TBC1D1: variants seen among roughly 807,000 people sequenced by gnomAD.
The protein encoded by TBC1D1 is TBC1 (tre-2/USP6, BUB2, cdc16) domain family, member 1.
In TBC1D1, 89 loss-of-function variants were observed where a neutral mutation model predicts 125.6. The observed-to-expected ratio is 0.71, with a 90% CI of 0.60 to 0.85. TBC1D1 has a LOEUF of 0.85. Among genes scored for constraint, TBC1D1 ranks in the 40% least tolerant of loss-of-function variants. TBC1D1 has a pLI of 0.00. For synonymous variants in TBC1D1, 565 were observed against 564.1 expected, an observed-to-expected ratio of 1.00 and a Z score of -0.02; for missense variants, 1,377 against 1,469.2, an observed-to-expected ratio of 0.94 and a Z score of 1.03.
chr4:38,066,877 A>AT (rs924412001), intron 12 of TBC1D1, among the ~76,000 whole-genome samples: 33 of 150,794 alleles, frequency 2.2e-4, no homozygotes, highest in African/African-American at 7.1e-4. Flanking sequence ...TACTAACAAG[A>AT]TTTTTTTTTT....
At chr4:38,052,729 C>CAG (rs1560699002) in intron 11 of TBC1D1, among the ~76,000 whole-genome samples, 2 of 28,228 alleles carry the variant, frequency 7.1e-5, no homozygotes, top group Non-Finnish European at 1.5e-4. Flanking sequence ...CGCGCGCGCG[C>CAG]ACACACACAC....
At chr4:38,069,947 C>G (rs1281079445) in intron 12 of TBC1D1, among the ~76,000 whole-genome samples, 2 of 152,174 alleles carry the variant, frequency 1.3e-5, no homozygotes, top group Non-Finnish European at 2.9e-5. Context: ...TCTTCTTCTG[C>G]TGTGGCTCAG....
chr4:38,047,343 G>A (rs1024034131), intron 10 of TBC1D1, among the ~76,000 whole-genome samples: 6 of 152,124 alleles, frequency 3.9e-5, no homozygotes, highest in African/African-American at 1.4e-4. Context: ...CAGGGTGGGG[G>A]GAGCCCTGAA....
chr4:37,916,427 G>T (rs527948543), intron 2 of TBC1D1, among the ~76,000 whole-genome samples: 2 of 151,880 alleles, frequency 1.3e-5, no homozygotes, highest in African/African-American at 2.4e-5. Flanking sequence ...TAGCAATTTC[G>T]TAGTTGTCCC....
rs1296481342 is a variant in TBC1D1, at chr4:38,135,892, ATG to A, written c.3307-1233_3307-1232del. Among the ~76,000 whole-genome samples, 33 of 148,886 alleles carry A rather than the reference ATG, an allele frequency of 2.2e-4. 1 individual carries two copies. In the South Asian group the frequency reaches 4.5e-3, roughly 20 times the overall value. ...TATATATGTGTGTGTGTGTGTATAT[ATG>A]TGTGTGTGTATATATACGTGTGTGT... On this transcript the variant is annotated intron_variant, in intron 19 of 19. Transcript: ENST00000261439.
chr4:38,002,445 C>G (rs1560598420), intron 2 of TBC1D1, among the ~76,000 whole-genome samples: 1 of 152,222 alleles, frequency 6.6e-6, no homozygotes, highest in African/African-American at 2.4e-5. Flanking sequence ...TGTATGCCCA[C>G]TATGCTCAGG....
chr4:37,957,494 C>G (rs1200500246), intron 2 of TBC1D1, among the ~76,000 whole-genome samples: 1 of 152,198 alleles, frequency 6.6e-6, no homozygotes, highest in African/African-American at 2.4e-5. Flanking sequence ...GGGTGCGTGC[C>G]TGTAGTCCTA....
chr4:38,098,269 GA>G (rs1211028065), intron 14 of TBC1D1, among the ~76,000 whole-genome samples: 1 of 152,172 alleles, frequency 6.6e-6, no homozygotes, highest in Non-Finnish European at 1.5e-5. Context: ...TTGCTGTTTT[GA>G]AAAGGGAGAA....
Position 38,137,286 on chromosome 4 carries a change from C to T in TBC1D1, c.3458C>T (p.Pro1153Leu). 1 of 1,611,526 alleles carries T rather than the reference C, an allele frequency of 6.2e-7. No homozygotes were observed. Among genetic ancestry groups the T allele is most frequent in the South Asian group, 1.1e-5 (1 of 90,978 alleles). The change falls in exon 20 of 20, where the codon CCC becomes CTC. Residue 1153 changes from proline to leucine, a missense_variant. Pro to Leu is a moderately conservative substitution (Grantham distance 98). This residue lies in a region of TBC1D1 where 543 missense variants were observed against 613.5 expected (regional missense o/e 0.89). Coordinates refer to ENST00000261439, the MANE Select transcript of TBC1D1 (RefSeq NM_015173.4). ...GAGCTGCGGCGGCGGAGCGCAGAGCCCAGCGACCGGGAGCCTGAGTGCACG... is the reference window on the plus strand; with the variant it reads ...GAGCTGCGGCGGCGGAGCGCAGAGCTCAGCGACCGGGAGCCTGAGTGCACG...
At position 38,049,603 on chromosome 4, in the gene TBC1D1, T is replaced by C. The variant is rs1750098519; in HGVS notation, c.1630-15T>C. Reference sequence around the variant, plus strand: ...TCCCCATGGTGTGTCTGATCTGCTGTGTGTTTGCTCCCAGGAGCCATCTGT... The same window carrying C: ...TCCCCATGGTGTGTCTGATCTGCTGCGTGTTTGCTCCCAGGAGCCATCTGT... On this transcript the variant is annotated splice_polypyrimidine_tract_variant and intron_variant, in intron 10 of 19. Transcript: ENST00000261439. 7 of 1,590,656 alleles carry C rather than the reference T, an allele frequency of 4.4e-6. No homozygotes were observed. Among genetic ancestry groups the C allele is most frequent in the Admixed American group, 1.8e-5 (1 of 56,132 alleles).
intron 7 of TBC1D1, among the ~76,000 whole-genome samples, chr4:38,031,660 A>G (rs1746170062): frequency 6.6e-6 from 1 of 152,154 alleles, no homozygotes; most frequent in Non-Finnish European, 1.5e-5. Flanking sequence ...TCTGTTACCC[A>G]GGCTGGAGCA....
intron 2 of TBC1D1, among the ~76,000 whole-genome samples, chr4:37,903,980 G>A (rs6531596): frequency 0.25 from 37,283 of 152,070 alleles, 6,552 homozygotes; most frequent in African/African-American, 0.49. Context: ...CACATCTCAA[G>A]TGGGCACGGC....
intron 2 of TBC1D1, chr4:38,006,982 AG>A (rs1410536892): frequency 7.0e-6 from 3 of 429,970 alleles, no homozygotes; most frequent in South Asian, 1.9e-5. Context: ...TTCTTGGCCA[AG>A]GGTGGTTCAC....
At chr4:37,943,290 T>C (rs886310717) in intron 2 of TBC1D1, among the ~76,000 whole-genome samples, 36 of 152,330 alleles carry the variant, frequency 2.4e-4, no homozygotes, top group African/African-American at 8.2e-4. Context: ...ATTTCAACTT[T>C]GGTGAATCTG....
chr4:38,005,871 A>G (rs536127778), intron 2 of TBC1D1, among the ~76,000 whole-genome samples: 5 of 152,218 alleles, frequency 3.3e-5, no homozygotes, highest in South Asian at 2.1e-4. Context: ...TGGAGAAGAC[A>G]TGATGCCATG....
chr4:37,994,116 G>A (rs1416571899), intron 2 of TBC1D1, among the ~76,000 whole-genome samples: 1 of 152,214 alleles, frequency 6.6e-6, no homozygotes, highest in African/African-American at 2.4e-5. Context: ...CTGGAAGGTG[G>A]AGGCAGGCTC....
chr4:38,135,948 GTGTGTA>G (rs1276500820), intron 19 of TBC1D1, among the ~76,000 whole-genome samples: 61 of 145,876 alleles, frequency 4.2e-4, no homozygotes, highest in Admixed American at 1.0e-3. Context: ...GTGTGTGTGT[GTGTGTA>G]TATATGTGTA....
intron 2 of TBC1D1, among the ~76,000 whole-genome samples, chr4:37,910,632 T>C (rs181603708): frequency 8.5e-5 from 13 of 152,100 alleles, no homozygotes; most frequent in Admixed American, 8.5e-4. Flanking sequence ...AGTAGAATGA[T>C]GGTTACCAGA....
chr4:38,132,805 T>G, intron 18 of TBC1D1: 1 of 206,702 alleles, frequency 4.8e-6, no homozygotes, highest in Non-Finnish European at 1.0e-5. Context: ...ATGAGAGGTT[T>G]TTTTTTTTTT....
Sources: gnomAD v4.1 joint callset for allele counts (sites outside exome capture counted in the v4.1 genomes callset) on GRCh38, gnomAD v4.1.1 for gene constraint, gnomAD v4.1.1 regional missense constraint, MANE v1.5 for transcripts, NCBI Gene and HGNC (gene_info 2026-07-23, HGNC 2026-07-21) for gene names.